Variants in SCN11A observed in about 807,000 individuals in gnomAD.
The protein encoded by SCN11A is sodium voltage-gated channel alpha subunit 11.
Under a neutral mutation model 162.2 loss-of-function variants are expected in SCN11A, and 122 were observed. The observed-to-expected ratio is 0.75, with a 90% CI of 0.65 to 0.87. The LOEUF (loss-of-function observed/expected upper bound fraction) is 0.87, where lower values mean the gene tolerates loss of function less well. SCN11A is among the 40% of genes least tolerant of loss of function. The pLI is 0.00. For synonymous variants in SCN11A, 758 were observed against 751.5 expected, an observed-to-expected ratio of 1.01 and a Z score of -0.14; for missense variants, 2,015 against 2,181.6, an observed-to-expected ratio of 0.92 and a Z score of 1.52.
At chr3:38,993,713 GTATCAGCTGCTGTT>G (rs2030525260) in intron 2 of SCN11A, among the ~76,000 whole-genome samples, 1 of 152,166 alleles carries the variant, frequency 6.6e-6, no homozygotes. Context: ...GTGTGCAACG[GTATCAGCTGCTGTT>G]TATGCCCTGT....
rs147983666 is a variant in SCN11A, at chr3:38,957,347, G to A, written c.-139+2936C>T. Among the ~76,000 whole-genome samples the A allele has an allele frequency of 1.0e-2, 1,515 of 152,202 alleles. 19 individuals are homozygous for A. The highest frequency in any genetic ancestry group is 0.02 in the Middle Eastern group (6 of 294). ...TAAGCTATTTGAATTATGTGCTTGT[G>A]TTACTTTTATAGGTTGCAAAAGGAT... is the stretch of plus-strand genomic sequence containing the variant. On this transcript the variant is annotated intron_variant, in intron 3 of 29. Coordinates refer to ENST00000302328, the MANE Select transcript of SCN11A (RefSeq NM_001349253.2).
intron 3 of SCN11A, among the ~76,000 whole-genome samples, 124 bp downstream of exon 3, chr3:38,960,159 T>G (rs2066726789): frequency 6.6e-6 from 1 of 151,884 alleles, no homozygotes; most frequent in African/African-American, 2.4e-5. Context: ...GCTTCTAATT[T>G]GATCAGAAAA....
rs1004743349 is a variant in SCN11A at position 38,975,184 on chromosome 3, T to C, written c.-279-14761A>G. ...AATTTCAGACAAAAACTAAGAAAAA[T>C]TTACCATTAAAAGATCCTCACTGAA... On this transcript the variant is annotated intron_variant, in intron 2 of 29. Transcript: ENST00000302328. Among the ~76,000 whole-genome samples, 332 of 151,266 alleles carry C rather than the reference T, an allele frequency of 2.2e-3. 2 individuals are homozygous for C. Among genetic ancestry groups the C allele is most frequent in the Non-Finnish European group, 2.7e-3 (180 of 67,792 alleles).
intron 1 of SCN11A, among the ~76,000 whole-genome samples, chr3:39,051,423 C>G (rs553000590): frequency 6.6e-6 from 1 of 152,258 alleles, no homozygotes; most frequent in Non-Finnish European, 1.5e-5. Context: ...ATAAGGGCCT[C>G]CAGCTCCATC....
At chr3:38,946,609 C>G (rs771428957) in intron 6 of SCN11A, among the ~76,000 whole-genome samples, 180 bp downstream of exon 6, 7 of 152,190 alleles carry the variant, frequency 4.6e-5, no homozygotes, top group Admixed American at 6.5e-5. Flanking sequence ...CCATAGGACC[C>G]CAGAGAAGGA....
chr3:38,866,346 G>C (rs756140395), intron 27 of SCN11A, among the ~76,000 whole-genome samples: 2 of 151,972 alleles, frequency 1.3e-5, no homozygotes. Context: ...AGCCTCCCAA[G>C]TAGCTGGGAT....
At chr3:38,867,592 T>C (rs1360344256) in intron 26 of SCN11A, 134 bp from the exon 27 acceptor site, 6 of 647,762 alleles carry the variant, frequency 9.3e-6, no homozygotes, top group Middle Eastern at 4.1e-4. Context: ...CTAACAGCCA[T>C]AGCCCCTGTT....
chr3:39,032,631 G>A (rs2031789510), intron 1 of SCN11A, among the ~76,000 whole-genome samples, 128 bp from the exon 2 acceptor site: 1 of 152,160 alleles, frequency 6.6e-6, no homozygotes, highest in Non-Finnish European at 1.5e-5. Context: ...TTTTTAAAAA[G>A]TGATAGAGCC....
chr3:38,871,633 C>T lies in SCN11A; in HGVS notation c.3571G>A (p.Val1191Ile), dbSNP rs199670122. ...VLLVCLIFWL[V>I]FCILGVYFFS... The stretch of plus-strand genomic sequence containing the variant: ...AAGTATACTCCCAGAATACAAAATA[C>T]GAGCCAGAAAATGAGGCAGACAAGC... Residue 1191 changes from valine (V) to isoleucine (I), a missense_variant, in exon 25 of 30, where the codon GTA becomes ATA. Physicochemically the swap from Val to Ile is conservative, Grantham distance 29. Transcript: ENST00000302328. The T allele has an allele frequency of 1.5e-5, 24 of 1,612,402 alleles. No individual in the cohort carries two copies. The highest frequency in any genetic ancestry group is 6.7e-5 in the African/African-American group (5 of 74,948).
intron 23 of SCN11A, among the ~76,000 whole-genome samples, chr3:38,878,016 C>T (rs1029423808): frequency 6.6e-6 from 1 of 151,524 alleles, no homozygotes; most frequent in Non-Finnish European, 1.5e-5. Context: ...ACTCTGGGGA[C>T]TCAGGGGAAA....
At chr3:38,929,791 G>A (rs1247026200) in intron 7 of SCN11A, among the ~76,000 whole-genome samples, 1 of 152,086 alleles carries the variant, frequency 6.6e-6, no homozygotes, top group African/African-American at 2.4e-5. Flanking sequence ...GATAAAAGGT[G>A]AGTTCAGGCC....
At chr3:38,990,713 G>A (rs973624679) in intron 2 of SCN11A, among the ~76,000 whole-genome samples, 5 of 152,058 alleles carry the variant, frequency 3.3e-5, no homozygotes, top group African/African-American at 9.7e-5. Context: ...ACAGCCCTTC[G>A]AAATAGAGTC....
At chr3:38,858,755 T>C (rs1048377061) in intron 28 of SCN11A, among the ~76,000 whole-genome samples, 4 of 152,112 alleles carry the variant, frequency 2.6e-5, no homozygotes, top group African/African-American at 9.7e-5. Context: ...CACATGGAGA[T>C]AGACCATATG....
chr3:38,936,909 A>G lies in SCN11A; in HGVS notation c.488+8502T>C, dbSNP rs1312572186. Among the ~76,000 whole-genome samples, 593 of 150,462 alleles carry G rather than the reference A, an allele frequency of 3.9e-3. 4 individuals carry two copies. Among genetic ancestry groups the G allele is most frequent in the Middle Eastern group, 6.8e-3 (2 of 294 alleles). ...ATGGAACCAAAAAAGAGCCCACATC[A>G]CCAAGTCAATCCTAAGCCAAAAGAA... On this transcript the variant is annotated intron_variant, in intron 7 of 29. Coordinates refer to ENST00000302328, the MANE Select transcript of SCN11A (RefSeq NM_001349253.2).
intron 7 of SCN11A, among the ~76,000 whole-genome samples, chr3:38,929,645 G>T (rs2066207982): frequency 6.6e-6 from 1 of 152,060 alleles, no homozygotes. Context: ...TGGTTTGAAT[G>T]TTCCCTCCAA....
intron 23 of SCN11A, among the ~76,000 whole-genome samples, chr3:38,876,964 C>T (rs1322248481): frequency 1.3e-5 from 2 of 150,254 alleles, no homozygotes; most frequent in African/African-American, 4.9e-5. Flanking sequence ...GCCCATCAAT[C>T]AACCAGTGGA....
chr3:38,951,173 G>C lies in SCN11A; in HGVS notation c.-7-804C>G, dbSNP rs555668990. ...GGAGGGAGAGGCGCGAGCGGGAACC[G>C]GGGCTGCACCCGGCGCTTGCGGGCC... On this transcript the variant is annotated intron_variant, in intron 4 of 29. Transcript: ENST00000302328. 5.4e-3 allele frequency among the ~76,000 whole-genome samples: 822 copies of C among 152,366 alleles called. 9 individuals carry two copies. Among genetic ancestry groups the C allele is most frequent in the African/African-American group, 0.019 (777 of 41,596 alleles).
intron 17 of SCN11A, among the ~76,000 whole-genome samples, chr3:38,898,657 A>G (rs1353330990): frequency 6.6e-6 from 1 of 152,240 alleles, no homozygotes; most frequent in East Asian, 1.9e-4. Flanking sequence ...ACCTTAGAGA[A>G]AACATAGCAA....
intron 2 of SCN11A, among the ~76,000 whole-genome samples, chr3:39,008,654 C>T (rs956051635): frequency 5.3e-5 from 8 of 152,084 alleles, no homozygotes; most frequent in African/African-American, 1.7e-4. Flanking sequence ...TTTGAGAGGC[C>T]GAGGTGGGTG....
Sources: allele counts gnomAD v4.1 joint callset (sites outside exome capture counted in the v4.1 genomes callset), GRCh38; gene constraint gnomAD v4.1.1; transcripts MANE v1.5; gene names NCBI Gene and HGNC (gene_info 2026-07-23, HGNC 2026-07-21).